Variants in AOPEP observed in about 807,000 individuals in gnomAD.
AOPEP encodes aminopeptidase O (putative).
Under a neutral mutation model 98.1 loss-of-function variants are expected in AOPEP, and 77 were observed. The observed-to-expected ratio is 0.78, with a 90% CI of 0.65 to 0.95. The LOEUF is 0.95. Among genes scored for constraint, AOPEP ranks in the 40% least tolerant of loss-of-function variants. The probability of loss-of-function intolerance (pLI) is 0.00; values close to 1 mark genes in which losing one functional copy is unlikely to be tolerated. For missense variants in AOPEP, 1,024 were observed against 1,024.7 expected, an observed-to-expected ratio of 1.00 and a Z score of 0.01; for synonymous variants, 346 against 365.3, an observed-to-expected ratio of 0.95 and a Z score of 0.60.
intron 13 of AOPEP, among the ~76,000 whole-genome samples, chr9:95,044,343 A>T (rs1422885911): frequency 2.0e-5 from 3 of 150,678 alleles, no homozygotes; most frequent in African/African-American, 7.4e-5. Context: ...TGCTACAAGA[A>T]GGTTACATTA....
intron 5 of AOPEP, among the ~76,000 whole-genome samples, chr9:94,895,755 C>T (rs953540618): frequency 6.6e-6 from 1 of 152,060 alleles, no homozygotes; most frequent in African/African-American, 2.4e-5. Context: ...CAGGGTCTCA[C>T]TATGTTTGAG....
At chr9:94,790,878 G>A (rs1320369430) in intron 3 of AOPEP, among the ~76,000 whole-genome samples, 2 of 151,734 alleles carry the variant, frequency 1.3e-5, no homozygotes, top group African/African-American at 4.8e-5. Context: ...ACAACCACAG[G>A]CCAATTTGGT....
At chr9:94,766,305 G>A (rs1203557717) in intron 2 of AOPEP, among the ~76,000 whole-genome samples, 1 of 152,198 alleles carries the variant, frequency 6.6e-6, no homozygotes, top group Non-Finnish European at 1.5e-5. Flanking sequence ...TTGGGAGGCC[G>A]AGGCGGGTGA....
chr9:95,000,272 G>A (rs1466639767), intron 11 of AOPEP, among the ~76,000 whole-genome samples: 2 of 152,194 alleles, frequency 1.3e-5, no homozygotes, highest in Non-Finnish European at 2.9e-5. Context: ...AGACTGTCCT[G>A]TGGCTCCTCA....
chr9:95,124,582 C>G, the AOPEP span, among the ~76,000 whole-genome samples: 1 of 152,190 alleles, frequency 6.6e-6, no homozygotes, highest in Admixed American at 6.5e-5. Context: ...CAAGCCTTTC[C>G]CAGTCACTCT....
chr9:95,048,794 G>T (rs2066080812), intron 13 of AOPEP: 1 of 152,230 alleles, frequency 6.6e-6, no homozygotes, highest in South Asian at 2.1e-4. Flanking sequence ...CGTCGGAATT[G>T]TGATTTCGTG....
chr9:95,004,492 G>A (rs1432865445), intron 11 of AOPEP, among the ~76,000 whole-genome samples: 1 of 152,082 alleles, frequency 6.6e-6, no homozygotes, highest in African/African-American at 2.4e-5. Context: ...ACTGGGAAAC[G>A]TCTACTCGAG....
Position 95,086,897 on chromosome 9 carries a change from C to T in AOPEP, c.*220C>T, listed in dbSNP as rs1287654565. 1.0e-6 allele frequency: 1 copy of T among 987,762 alleles called. No homozygotes were observed. Among genetic ancestry groups the T allele is most frequent in the African/African-American group, 1.7e-5 (1 of 57,308 alleles). 61.2% of individuals were successfully genotyped at this position (987,762 alleles called of 1,614,324 possible). A position where few individuals can be genotyped will look rare whatever the true frequency, so the allele number is the denominator to read the frequency against. On this transcript the variant is annotated 3_prime_UTR_variant, in exon 17 of 17. Coordinates refer to ENST00000375315, the MANE Select transcript of AOPEP (RefSeq NM_001193329.3). ...TAAACGCAGCCTCCCTCCCTGGAGG[C>T]TGCCTCCTGCCCTGGATCTGGAGTG...
chr9:95,138,328 G>A, the AOPEP span, among the ~76,000 whole-genome samples: 1 of 152,234 alleles, frequency 6.6e-6, no homozygotes, highest in South Asian at 2.1e-4. Context: ...CGCCGTGCCT[G>A]TGCTTATGCC....
chr9:95,057,996 C>G (rs1192624691), intron 13 of AOPEP, among the ~76,000 whole-genome samples: 1 of 152,176 alleles, frequency 6.6e-6, no homozygotes, highest in Non-Finnish European at 1.5e-5. Flanking sequence ...ACTTCCATCT[C>G]GCGGTCTTAA....
chr9:94,740,296 T>C (rs796549588), intron 1 of AOPEP, among the ~76,000 whole-genome samples: 2 of 152,134 alleles, frequency 1.3e-5, no homozygotes, highest in South Asian at 2.1e-4. Flanking sequence ...GCTTGGGCTA[T>C]GAGAGTTAGA....
chr9:95,091,750 T>A (rs1587996784), downstream of AOPEP, among the ~76,000 whole-genome samples: 1 of 152,148 alleles, frequency 6.6e-6, no homozygotes, highest in East Asian at 1.9e-4. Flanking sequence ...CGATAGGCAT[T>A]CCTGTTCCAG....
the AOPEP span, among the ~76,000 whole-genome samples, chr9:95,131,561 C>T: frequency 6.6e-6 from 1 of 152,332 alleles, no homozygotes; most frequent in South Asian, 2.1e-4. Context: ...GAAAGTGCAA[C>T]TCCAGTCCAA....
intron 13 of AOPEP, among the ~76,000 whole-genome samples, chr9:95,038,935 G>C (rs1295405303): frequency 6.6e-6 from 1 of 152,300 alleles, no homozygotes. Context: ...TGAGTTCACA[G>C]ATGAGGCGGG....
At chr9:95,119,697 G>A in the AOPEP span, among the ~76,000 whole-genome samples, 4 of 151,222 alleles carry the variant, frequency 2.6e-5, no homozygotes, top group Middle Eastern at 3.3e-3. Context: ...ATCTATCAAA[G>A]AATAGAAATT....
At chr9:95,031,734 C>T (rs1436076250) in intron 13 of AOPEP, among the ~76,000 whole-genome samples, 1 of 152,200 alleles carries the variant, frequency 6.6e-6, no homozygotes, top group South Asian at 2.1e-4. Flanking sequence ...AAAACATAAG[C>T]TCCCTAAGCT....
rs147157714 is a variant in AOPEP at position 94,884,051 on chromosome 9, G to A, written c.1365-39935G>A. ...TTGACATTTCACGAGGGGCATCCCTGCTTCATGCGCACCTGCCTTGGAAGG... is the reference window on the plus strand; with the variant it reads ...TTGACATTTCACGAGGGGCATCCCTACTTCATGCGCACCTGCCTTGGAAGG... On this transcript the variant is annotated intron_variant, in intron 5 of 16. Coordinates refer to ENST00000375315, the MANE Select transcript of AOPEP (RefSeq NM_001193329.3). Among the ~76,000 whole-genome samples, 6 of 152,318 alleles carry A rather than the reference G, an allele frequency of 3.9e-5. No individual in the cohort carries two copies. In the East Asian group the frequency reaches 1.2e-3, roughly 29 times the overall value.
chr9:94,963,244 C>A (rs1289487483), intron 9 of AOPEP, among the ~76,000 whole-genome samples: 1 of 152,136 alleles, frequency 6.6e-6, no homozygotes, highest in Non-Finnish European at 1.5e-5. Flanking sequence ...AAATTGCTAG[C>A]CCCATGTAAT....
At chr9:94,922,641 T>C (rs975262974) in intron 5 of AOPEP, among the ~76,000 whole-genome samples, 2 of 152,180 alleles carry the variant, frequency 1.3e-5, no homozygotes, top group African/African-American at 4.8e-5. Context: ...TTGTTTTTTT[T>C]TTTCCCCTGA....
Sources: allele counts gnomAD v4.1 joint callset (sites outside exome capture counted in the v4.1 genomes callset), GRCh38; gene constraint gnomAD v4.1.1; transcripts MANE v1.5; gene names NCBI Gene and HGNC (gene_info 2026-07-23, HGNC 2026-07-21).